The following CXCL13 variants were observed in gnomAD, a reference collection of about 807,000 sequenced individuals.
CXCL13 encodes the protein C-X-C motif chemokine 13.
Under a neutral mutation model 12.2 loss-of-function variants are expected in CXCL13, and 7 were observed. That is an observed-to-expected ratio of 0.57 (90% CI 0.33 to 1.07). The LOEUF (loss-of-function observed/expected upper bound fraction) is 1.07, where lower values mean the gene tolerates loss of function less well. Ranked by LOEUF, CXCL13 falls within the 50% of genes least tolerant of loss-of-function variation. The probability of loss-of-function intolerance (pLI) is 0.04; values close to 1 mark genes in which losing one functional copy is unlikely to be tolerated. For synonymous variants in CXCL13, 47 were observed against 42.4 expected, an observed-to-expected ratio of 1.11 and a Z score of -0.42; for missense variants, 113 against 127.4, an observed-to-expected ratio of 0.89 and a Z score of 0.55.
chr4:77,524,208 G>C (rs974594934), intron 1 of CXCL13, among the ~76,000 whole-genome samples: 1 of 152,194 alleles, frequency 6.6e-6, no homozygotes, highest in African/African-American at 2.4e-5. Flanking sequence ...TGAGGAGGTA[G>C]TCTGTCCATT....
chr4:77,549,359 A>C (rs2109805945), intron 1 of CXCL13, among the ~76,000 whole-genome samples: 1 of 152,298 alleles, frequency 6.6e-6, no homozygotes, highest in Middle Eastern at 3.4e-3. Flanking sequence ...GTCATCCTCC[A>C]TCCAGCTTTG....
chr4:77,532,647 A>G (rs1436667104), intron 1 of CXCL13, among the ~76,000 whole-genome samples: 1 of 152,232 alleles, frequency 6.6e-6, no homozygotes, highest in Non-Finnish European at 1.5e-5. Context: ...GTGTTTTCCA[A>G]CTTGGTTCCA....
At chr4:77,562,958 A>AG (rs1725847292) in intron 1 of CXCL13, among the ~76,000 whole-genome samples, 1 of 152,108 alleles carries the variant, frequency 6.6e-6, no homozygotes, top group Admixed American at 6.5e-5. Context: ...CAGCAGTGGC[A>AG]ACCCCCATGG....
At chr4:77,532,377 A>T (rs1254789599) in intron 1 of CXCL13, among the ~76,000 whole-genome samples, 2 of 151,920 alleles carry the variant, frequency 1.3e-5, no homozygotes, top group Non-Finnish European at 2.9e-5. Flanking sequence ...TATTGGCCCC[A>T]CTCTCTTCTG....
intron 1 of CXCL13, among the ~76,000 whole-genome samples, chr4:77,544,458 A>G (rs1725300767): frequency 6.6e-6 from 1 of 152,194 alleles, no homozygotes; most frequent in African/African-American, 2.4e-5. Flanking sequence ...GTGAGATGGT[A>G]TCTCATTGTG....
chr4:77,589,980 T>C (rs1232167798), intron 1 of CXCL13, among the ~76,000 whole-genome samples: 1 of 152,106 alleles, frequency 6.6e-6, no homozygotes, highest in Admixed American at 6.6e-5. Context: ...CATATTCGCA[T>C]CTCCCATATG....
intron 1 of CXCL13, among the ~76,000 whole-genome samples, chr4:77,543,599 C>A (rs1725259502): frequency 6.6e-6 from 1 of 152,016 alleles, no homozygotes; most frequent in Non-Finnish European, 1.5e-5. Flanking sequence ...TTCTGTCTTA[C>A]TTTTGTTGTT....
At chr4:77,567,672 C>G (rs1725971622) in intron 1 of CXCL13, among the ~76,000 whole-genome samples, 1 of 152,180 alleles carries the variant, frequency 6.6e-6, no homozygotes, top group South Asian at 2.1e-4. Context: ...GACCTCTGGT[C>G]ATCCTCACTG....
At chr4:77,558,642 C>G (rs549121572) in intron 1 of CXCL13, among the ~76,000 whole-genome samples, 1 of 152,140 alleles carries the variant, frequency 6.6e-6, no homozygotes, top group Non-Finnish European at 1.5e-5. Flanking sequence ...AATGCGCCAC[C>G]GCACTCAGCT....
At chr4:77,522,642 A>G (rs1017285749) in intron 1 of CXCL13, among the ~76,000 whole-genome samples, 1 of 149,966 alleles carries the variant, frequency 6.7e-6, no homozygotes, top group Non-Finnish European at 1.5e-5. Flanking sequence ...CAGCACACTA[A>G]TGGGTCTTGT....
At chr4:77,599,626 A>G (rs576051210) in intron 1 of CXCL13, among the ~76,000 whole-genome samples, 3 of 152,230 alleles carry the variant, frequency 2.0e-5, no homozygotes, top group Admixed American at 6.5e-5. Flanking sequence ...AGAGTCCTCA[A>G]CCCCATCTGT....
chr4:77,561,960 C>A (rs554776073), intron 1 of CXCL13, among the ~76,000 whole-genome samples: 1 of 152,124 alleles, frequency 6.6e-6, no homozygotes, highest in Admixed American at 6.5e-5. Context: ...TGGGTGTGGG[C>A]TTGGTGGGCC....
intron 1 of CXCL13, among the ~76,000 whole-genome samples, chr4:77,512,387 T>C (rs1724297458): frequency 6.6e-6 from 1 of 152,202 alleles, no homozygotes; most frequent in African/African-American, 2.4e-5. Context: ...TTGCTAGAGC[T>C]TCCATAGCAC....
intron 1 of CXCL13, among the ~76,000 whole-genome samples, chr4:77,516,287 T>G (rs921148781): frequency 8.5e-5 from 13 of 152,214 alleles, no homozygotes; most frequent in Non-Finnish European, 1.5e-4. Flanking sequence ...GTTGTGTCTC[T>G]GCCCGGCTTT....
intron 1 of CXCL13, among the ~76,000 whole-genome samples, chr4:77,532,988 C>T (rs933438768): frequency 1.3e-5 from 2 of 152,134 alleles, no homozygotes; most frequent in African/African-American, 4.8e-5. Context: ...TGAACTTCCT[C>T]CTTTAGCTCA....
chr4:77,533,702 G>T (rs189620483), intron 1 of CXCL13, among the ~76,000 whole-genome samples: 1 of 152,160 alleles, frequency 6.6e-6, no homozygotes, highest in South Asian at 2.1e-4. Context: ...CTACCAGGCC[G>T]CTTTGTTTAC....
chr4:77,519,132 T>A (rs1724507972), intron 1 of CXCL13, among the ~76,000 whole-genome samples: 1 of 152,184 alleles, frequency 6.6e-6, no homozygotes, highest in Non-Finnish European at 1.5e-5. Flanking sequence ...TGAATGCTGC[T>A]GTCTGATCGT....
chr4:77,564,130 T>C (rs899515655), intron 1 of CXCL13, among the ~76,000 whole-genome samples: 2 of 152,162 alleles, frequency 1.3e-5, no homozygotes, highest in African/African-American at 2.4e-5. Flanking sequence ...AATTAAAAAC[T>C]CTTTGAAGTA....
intron 1 of CXCL13, among the ~76,000 whole-genome samples, chr4:77,540,319 A>G (rs553274975): frequency 2.0e-5 from 3 of 152,164 alleles, no homozygotes; most frequent in South Asian, 2.1e-4. Context: ...ACCCTGGTAT[A>G]TGGCATGATG....
Sources: gnomAD v4.1 joint callset for allele counts (sites outside exome capture counted in the v4.1 genomes callset) on GRCh38, gnomAD v4.1.1 for gene constraint, MANE v1.5 for transcripts, NCBI Gene and HGNC (gene_info 2026-07-23, HGNC 2026-07-21) for gene names.